The following STK32B variants were observed in gnomAD, a reference collection of about 807,000 sequenced individuals.
STK32B encodes the protein serine/threonine kinase 32B.
Under a neutral mutation model 52.6 loss-of-function variants are expected in STK32B, and 43 were observed. The ratio of observed to expected loss-of-function variants is 0.82; its 90% CI spans 0.64 to 1.05. The LOEUF (loss-of-function observed/expected upper bound fraction) is 1.05. Ranked by LOEUF, STK32B falls within the 50% of genes least tolerant of loss-of-function variation. The pLI, the probability that STK32B is intolerant of heterozygous loss-of-function variation, is 0.00. For synonymous variants in STK32B, 238 were observed against 204.3 expected, an observed-to-expected ratio of 1.17 and a Z score of -1.41; for missense variants, 621 against 534.6, an observed-to-expected ratio of 1.16 and a Z score of -1.59.
intron 1 of STK32B, among the ~76,000 whole-genome samples, chr4:5,066,661 AC>A (rs1294723018): frequency 1.3e-5 from 2 of 152,186 alleles, no homozygotes; most frequent in Admixed American, 6.5e-5. Flanking sequence ...CTGGCACATG[AC>A]AACTGTCCCA....
intron 1 of STK32B, among the ~76,000 whole-genome samples, chr4:5,101,452 A>C (rs1309196439): frequency 6.6e-6 from 1 of 152,220 alleles, no homozygotes; most frequent in Non-Finnish European, 1.5e-5. Context: ...ATGCCTGAAG[A>C]AAAGGCATTT....
the STK32B span, among the ~76,000 whole-genome samples, chr4:5,039,498 A>T: frequency 1.3e-5 from 2 of 152,196 alleles, no homozygotes; most frequent in South Asian, 4.1e-4. Context: ...ATCTCCTAGG[A>T]TAACAATGCC....
chr4:5,313,524 G>GA (rs1215234048), intron 3 of STK32B, among the ~76,000 whole-genome samples: 8 of 152,018 alleles, frequency 5.3e-5, no homozygotes, highest in Admixed American at 5.2e-4. Context: ...TAAGTCAAGA[G>GA]AAAAATAAGG....
intron 1 of STK32B, among the ~76,000 whole-genome samples, chr4:5,088,692 C>T (rs1454212658): frequency 2.0e-5 from 3 of 151,766 alleles, no homozygotes; most frequent in Non-Finnish European, 4.4e-5. Context: ...TTATGCATTG[C>T]AGCCTGTATC....
chr4:5,243,175 G>A (rs1397029896), intron 3 of STK32B, among the ~76,000 whole-genome samples: 1 of 152,076 alleles, frequency 6.6e-6, no homozygotes, highest in Non-Finnish European at 1.5e-5. Context: ...GGGCAGTATG[G>A]CCATTTTCAC....
intron 6 of STK32B, among the ~76,000 whole-genome samples, chr4:5,441,213 T>C (rs1186717046): frequency 0.022 from 3,292 of 150,226 alleles, 100 homozygotes; most frequent in African/African-American, 0.076. Context: ...TGGTAGAATT[T>C]GGCTGTGAAT....
chr4:5,405,733 A>C (rs947643732), intron 5 of STK32B, among the ~76,000 whole-genome samples: 17 of 152,050 alleles, frequency 1.1e-4, no homozygotes, highest in Admixed American at 1.1e-3. Flanking sequence ...GTGATAACTA[A>C]TTCATTATTA....
At chr4:5,325,886 A>T (rs1381909300) in intron 3 of STK32B, among the ~76,000 whole-genome samples, 1 of 152,246 alleles carries the variant, frequency 6.6e-6, no homozygotes, top group Non-Finnish European at 1.5e-5. Flanking sequence ...GCTGTAGAAT[A>T]GTGCAAAACT....
intron 3 of STK32B, among the ~76,000 whole-genome samples, chr4:5,199,148 G>C (rs1721924388): frequency 6.6e-6 from 1 of 152,092 alleles, no homozygotes; most frequent in Non-Finnish European, 1.5e-5. Flanking sequence ...TGGTGACCGA[G>C]GCTGCCCTTC....
chr4:5,105,833 G>A (rs888119767), intron 1 of STK32B, among the ~76,000 whole-genome samples: 5 of 152,092 alleles, frequency 3.3e-5, no homozygotes, highest in African/African-American at 9.6e-5. Flanking sequence ...AAAGTGCTGG[G>A]ATTACAGGTG....
intron 3 of STK32B, among the ~76,000 whole-genome samples, chr4:5,199,784 C>A (rs868403451): frequency 6.6e-6 from 1 of 152,000 alleles, no homozygotes; most frequent in African/African-American, 2.4e-5. Context: ...TGGTGAACCC[C>A]CACTTACGCC....
chr4:5,493,106 G>T (rs1248097272), intron 11 of STK32B, among the ~76,000 whole-genome samples: 1 of 151,418 alleles, frequency 6.6e-6, no homozygotes, highest in African/African-American at 2.5e-5. Context: ...AATGAGTTAG[G>T]GAGGATTCCC....
intron 3 of STK32B, among the ~76,000 whole-genome samples, chr4:5,290,239 C>T (rs142695427): frequency 7.6e-4 from 115 of 151,244 alleles, no homozygotes; most frequent in African/African-American, 2.8e-3. Context: ...AATAATAAAT[C>T]GACGTTAGTA....
chr4:5,408,445 G>A (rs1436389429), intron 5 of STK32B, among the ~76,000 whole-genome samples: 1 of 152,076 alleles, frequency 6.6e-6, no homozygotes, highest in Admixed American at 6.5e-5. Context: ...TACATTTTCT[G>A]AGGCCTCTCC....
intron 2 of STK32B, among the ~76,000 whole-genome samples, chr4:5,165,594 G>A (rs1718808167): frequency 6.6e-6 from 1 of 152,164 alleles, no homozygotes; most frequent in Admixed American, 6.5e-5. Context: ...CGAATGAGAA[G>A]TGAGAGAGAC....
intron 1 of STK32B, among the ~76,000 whole-genome samples, chr4:5,059,250 C>A (rs1742127700): frequency 6.6e-6 from 1 of 151,718 alleles, no homozygotes; most frequent in African/African-American, 2.4e-5. Flanking sequence ...ACAGTATAAC[C>A]ACGCCTATCC....
chr4:5,046,942 G>A (rs749221507), upstream of STK32B, among the ~76,000 whole-genome samples: 3 of 152,132 alleles, frequency 2.0e-5, no homozygotes, highest in Non-Finnish European at 4.4e-5. Flanking sequence ...ATTTCTCAAC[G>A]ATCTAGAGTG....
chr4:5,134,019 A>C (rs1046976824), intron 1 of STK32B, among the ~76,000 whole-genome samples: 1 of 151,600 alleles, frequency 6.6e-6, no homozygotes, highest in Non-Finnish European at 1.5e-5. Flanking sequence ...CCATGGCCTG[A>C]CTCTCTCCCC....
At chr4:5,437,460 T>A (rs1714187538) in intron 6 of STK32B, among the ~76,000 whole-genome samples, 1 of 152,268 alleles carries the variant, frequency 6.6e-6, no homozygotes, top group Admixed American at 6.5e-5. Context: ...CTTCTCTGTG[T>A]CTCAGATCTT....
Sources: allele counts gnomAD v4.1 joint callset (sites outside exome capture counted in the v4.1 genomes callset), GRCh38; gene constraint gnomAD v4.1.1; transcripts MANE v1.5; gene names NCBI Gene and HGNC (gene_info 2026-07-23, HGNC 2026-07-21).